The following MYBPC1 variants were observed in gnomAD, a reference collection of about 807,000 sequenced individuals.
MYBPC1 encodes myosin binding protein C1.
Under a neutral mutation model 147.1 loss-of-function variants are expected in MYBPC1, and 52 were observed. The ratio of observed to expected loss-of-function variants is 0.35; its 90% CI spans 0.28 to 0.45. The LOEUF is 0.45. Among genes scored for constraint, MYBPC1 ranks in the 20% least tolerant of loss-of-function variants. MYBPC1 has a pLI of 1.00. For synonymous variants in MYBPC1, 477 were observed against 475.9 expected, an observed-to-expected ratio of 1.00 and a Z score of -0.03; for missense variants, 1,228 against 1,440.3, an observed-to-expected ratio of 0.85 and a Z score of 2.39.
Position 101,669,604 on chromosome 12 carries a change from C to T in MYBPC1, c.2525-717C>T, listed in dbSNP as rs149391666. On this transcript the variant is annotated intron_variant, in intron 23 of 31. Transcript: ENST00000361466. ...GCTAATGTGGTGCCTATAGATCTTT[C>T]GTGGAATGTTCCCTTGCAAATATAC... Among the ~76,000 whole-genome samples, 104 of 152,222 alleles carry T rather than the reference C, an allele frequency of 6.8e-4. 2 individuals are homozygous for T. In the South Asian group the frequency reaches 0.017, roughly 26 times the overall value.
In MYBPC1 at chr12:101,627,779, T is replaced by C. The variant is rs146617489; in HGVS notation, c.153T>C (p.Ser51=). 6.9e-5 allele frequency: 111 copies of C among 1,613,984 alleles called. No individual in the cohort carries two copies. In the African/African-American group the frequency reaches 1.4e-3, roughly 20 times the overall value. ...ACACTTTCCTTTCAGGTTTGGGTAGTCGGGCCCTGGAGAGAAAAGATTCAG... is the reference window on the plus strand; with the variant it reads ...ACACTTTCCTTTCAGGTTTGGGTAGCCGGGCCCTGGAGAGAAAAGATTCAG... The part of the protein sequence containing the change: ...PPSALPPGLG[S]RALERKDSDW... Residue 51 remains serine, a synonymous_variant, in exon 5 of 32, where the codon AGT becomes AGC. Coordinates refer to ENST00000361466, the MANE Select transcript of MYBPC1 (RefSeq NM_002465.4).
At chr12:101,618,427 A>G (rs186045053) in intron 3 of MYBPC1, among the ~76,000 whole-genome samples, 16 of 152,302 alleles carry the variant, frequency 1.1e-4, no homozygotes, top group African/African-American at 3.8e-4. Flanking sequence ...AACTCCTTCC[A>G]TGGGATGGTT....
rs1301419885 is a variant in MYBPC1 at position 101,625,764 on chromosome 12, A to AT, written c.104-1107dup. On this transcript the variant is annotated intron_variant, in intron 3 of 31. Transcript: ENST00000361466. Reference sequence around the variant, plus strand: ...TTACTGTCCTGGGAAAATCACTTTAATAGAGATGGTCTTCCAAGCAGTTTT... The same window carrying AT: ...TTACTGTCCTGGGAAAATCACTTTAATTAGAGATGGTCTTCCAAGCAGTTTT... Among the ~76,000 whole-genome samples the AT allele has an allele frequency of 3.9e-5, 6 of 152,186 alleles. No individual in the cohort carries two copies. In the South Asian group the frequency reaches 8.3e-4, roughly 21 times the overall value.
chr12:101,659,174 C>G (rs1420689111), intron 18 of MYBPC1, among the ~76,000 whole-genome samples: 2 of 152,224 alleles, frequency 1.3e-5, no homozygotes, highest in South Asian at 2.1e-4. Context: ...GGCCTTGCAG[C>G]CTTCTTCAAT....
chr12:101,693,319 A>T, the MYBPC1 span, among the ~76,000 whole-genome samples: 2 of 152,178 alleles, frequency 1.3e-5, no homozygotes, highest in Non-Finnish European at 2.9e-5. Flanking sequence ...ATCTATGTAG[A>T]TATATAGTTA....
rs1267707625 is a variant in MYBPC1 at position 101,661,268 on chromosome 12, T to A, written c.2032+6T>A. ...CGGAGGCTCTCCAATCCTAGGTAAC[T>A]GCATGTTGGTTAGTCTGTGTAACTG... is the stretch of plus-strand genomic sequence containing the variant. On this transcript the variant is annotated splice_donor_region_variant and intron_variant, in intron 20 of 31. Transcript: ENST00000361466. 1.3e-6 allele frequency: 2 copies of A among 1,584,454 alleles called. No individual in the cohort carries two copies. Among genetic ancestry groups the A allele is most frequent in the South Asian group, 2.2e-5 (2 of 90,068 alleles).
the MYBPC1 span, among the ~76,000 whole-genome samples, chr12:101,693,809 T>C: frequency 8.5e-5 from 13 of 152,212 alleles, no homozygotes; most frequent in African/African-American, 1.2e-4. Flanking sequence ...GGCTAAAGAT[T>C]GCATTTGCAG....
At chr12:101,640,343 A>T (rs1891790053) in intron 10 of MYBPC1, among the ~76,000 whole-genome samples, 1 of 152,172 alleles carries the variant, frequency 6.6e-6, no homozygotes, top group Non-Finnish European at 1.5e-5. Context: ...TGACTCTCCT[A>T]GACTTCCTAC....
intron 3 of MYBPC1, among the ~76,000 whole-genome samples, chr12:101,617,694 A>G (rs915073364): frequency 2.0e-5 from 3 of 152,194 alleles, no homozygotes; most frequent in African/African-American, 7.2e-5. Context: ...CTGACTATGT[A>G]TTCATGTAGA....
chr12:101,634,295 T>C (rs113176731), intron 8 of MYBPC1, among the ~76,000 whole-genome samples: 5 of 152,158 alleles, frequency 3.3e-5, no homozygotes, highest in African/African-American at 1.2e-4. Flanking sequence ...ACTGATATAT[T>C]TCTAAGTCCC....
At chr12:101,670,269 A>AT in intron 23 of MYBPC1, 52 bp from the exon 24 acceptor site, 1 of 1,488,348 alleles carries the variant, frequency 6.7e-7, no homozygotes, top group South Asian at 1.1e-5. Context: ...TTGTAAGGCT[A>AT]TTTTCAGACA....
At chr12:101,666,571 C>T in intron 22 of MYBPC1, 1 of 638,486 alleles carries the variant, frequency 1.6e-6, no homozygotes, top group Non-Finnish European at 2.8e-6. Flanking sequence ...GCAGGCTGTG[C>T]TCTCCTGAGG....
chr12:101,622,449 A>C (rs1427876934), intron 3 of MYBPC1, among the ~76,000 whole-genome samples: 1 of 152,222 alleles, frequency 6.6e-6, no homozygotes, highest in Non-Finnish European at 1.5e-5. Flanking sequence ...AAAGAAAGGA[A>C]ACTGGCTGGG....
chr12:101,683,184 C>G (rs1034242631), intron 30 of MYBPC1, among the ~76,000 whole-genome samples: 6 of 152,060 alleles, frequency 3.9e-5, no homozygotes, highest in African/African-American at 1.4e-4. Context: ...AATCCCAGCA[C>G]TTTGGGAGGC....
chr12:101,663,862 T>C (rs992252494), intron 22 of MYBPC1, among the ~76,000 whole-genome samples: 1 of 152,192 alleles, frequency 6.6e-6, no homozygotes, highest in Non-Finnish European at 1.5e-5. Flanking sequence ...ACTGGTGGAA[T>C]TGAATTGCAC....
chr12:101,620,737 G>C (rs1887181462), intron 3 of MYBPC1, among the ~76,000 whole-genome samples: 1 of 152,108 alleles, frequency 6.6e-6, no homozygotes, highest in South Asian at 2.1e-4. Flanking sequence ...TAGAATCAGA[G>C]GCCACTTTGA....
intron 22 of MYBPC1, chr12:101,666,841 A>G (rs1897529419): frequency 6.4e-7 from 1 of 1,552,726 alleles, no homozygotes; most frequent in Admixed American, 1.7e-5. Context: ...ACTATATTAT[A>G]ATGTTTCTGG....
intron 29 of MYBPC1, 51 bp downstream of exon 29, chr12:101,680,580 A>C: frequency 6.3e-7 from 1 of 1,595,690 alleles, no homozygotes. Context: ...AAAATCATTG[A>C]ATTATTGTTC....
In MYBPC1 at chr12:101,631,727, C is replaced by T. The variant is rs1196489351; in HGVS notation, c.438+8C>T. 6.2e-7 allele frequency: 1 copy of T among 1,613,946 alleles called. No individual in the cohort carries two copies. Among genetic ancestry groups the T allele is most frequent in the Admixed American group, 1.7e-5 (1 of 60,022 alleles). Reference sequence around the variant, plus strand: ...TTTGAGAGGCACAGTCGGGTAAGGCCCTGAACTCCCAGGACAGGCGCTCAG... The same window carrying T: ...TTTGAGAGGCACAGTCGGGTAAGGCTCTGAACTCCCAGGACAGGCGCTCAG... On this transcript the variant is annotated splice_region_variant and intron_variant, in intron 7 of 31. Coordinates refer to ENST00000361466, the MANE Select transcript of MYBPC1 (RefSeq NM_002465.4).
Sources: gnomAD v4.1 joint callset for allele counts (sites outside exome capture counted in the v4.1 genomes callset) on GRCh38, gnomAD v4.1.1 for gene constraint, MANE v1.5 for transcripts, NCBI Gene and HGNC (gene_info 2026-07-23, HGNC 2026-07-21) for gene names.